The following MIA2 variants were observed in gnomAD, a reference collection of about 807,000 sequenced individuals.
MIA2 encodes melanoma inhibitory activity protein 2.
MIA2 carries 127 observed loss-of-function variants against 167.8 expected under a neutral mutation model. That is an observed-to-expected ratio of 0.76 (90% CI 0.66 to 0.88). MIA2 has a LOEUF of 0.88. Ranked by LOEUF, MIA2 falls within the 40% of genes least tolerant of loss-of-function variation. The pLI, the probability that MIA2 is intolerant of heterozygous loss-of-function variation, is 0.00. For synonymous variants in MIA2, 552 were observed against 541.9 expected (o/e 1.02, Z -0.26); for missense variants, 1,690 against 1,624.7 (o/e 1.04, Z -0.69).
At chr14:39,299,083 AAAAAAAAAAAAAAAG>A (rs1443378470) in intron 13 of MIA2, among the ~76,000 whole-genome samples, 1 of 149,306 alleles carries the variant, frequency 6.7e-6, no homozygotes, top group Non-Finnish European at 1.5e-5. Context: ...AAAAAAAAAA[AAAAAAAAAAAAAAAG>A]AAATAATTCC....
chr14:39,254,311 C>A lies in MIA2; in HGVS notation c.1887+1140C>A, dbSNP rs77400143. Among the ~76,000 whole-genome samples, 660 of 152,226 alleles carry A rather than the reference C, an allele frequency of 4.3e-3. 2 individuals are homozygous for A. Among genetic ancestry groups the A allele is most frequent in the Non-Finnish European group, 6.6e-3 (450 of 68,006 alleles). On this transcript the variant is annotated intron_variant, in intron 6 of 28. Coordinates refer to ENST00000640607, the MANE Select transcript of MIA2 (RefSeq NM_001329214.4). ...GCAATTGAGTTTGATTGAACATAGG[C>A]TGAAGTTGAAGAAGTACAGAGGGGT...
intron 26 of MIA2, chr14:39,347,483 C>A: frequency 1.9e-6 from 1 of 514,892 alleles, no homozygotes; most frequent in Non-Finnish European, 3.4e-6. Flanking sequence ...AGCAGGATTG[C>A]TTAGGAACTA....
intron 13 of MIA2, among the ~76,000 whole-genome samples, chr14:39,298,518 T>C (rs1348909504): frequency 2.3e-5 from 2 of 86,172 alleles, no homozygotes; most frequent in South Asian, 4.4e-4. Context: ...AATTACTGTT[T>C]GGTAGAACAG....
At chr14:39,267,541 A>G (rs2056105696) in intron 6 of MIA2, 1 of 1,611,982 alleles carries the variant, frequency 6.2e-7, no homozygotes, top group African/African-American at 1.3e-5. Context: ...AGGCGCGATG[A>G]GTGTTACGTG....
intron 25 of MIA2, among the ~76,000 whole-genome samples, chr14:39,337,046 C>T (rs189841982): frequency 1.2e-4 from 18 of 152,280 alleles, no homozygotes; most frequent in African/African-American, 3.9e-4. Context: ...CACGAGCCAT[C>T]GTGCCTGGCT....
chr14:39,270,554 G>A (rs1158311104), intron 6 of MIA2, among the ~76,000 whole-genome samples: 1 of 150,230 alleles, frequency 6.7e-6, no homozygotes, highest in Non-Finnish European at 1.5e-5. Flanking sequence ...TAAGAGATGG[G>A]GTCTTGCTTT....
At chr14:39,319,935 CTATA>C (rs1436871148) in intron 23 of MIA2, among the ~76,000 whole-genome samples, 6 of 140,176 alleles carry the variant, frequency 4.3e-5, no homozygotes, top group African/African-American at 1.1e-4. Context: ...ACTGAAAAAT[CTATA>C]TATAGGTAGA....
chr14:39,325,993 C>T (rs1281067777), intron 24 of MIA2, among the ~76,000 whole-genome samples: 4 of 152,212 alleles, frequency 2.6e-5, no homozygotes, highest in African/African-American at 4.8e-5. Context: ...GGATTACAGG[C>T]ATGGGCCACT....
intron 9 of MIA2, among the ~76,000 whole-genome samples, chr14:39,283,642 C>T (rs1955610910): frequency 6.6e-6 from 1 of 152,098 alleles, no homozygotes; most frequent in South Asian, 2.1e-4. Flanking sequence ...GTTCCCTTTT[C>T]TCCACACCTT....
chr14:39,259,062 A>C (rs1241618833), intron 6 of MIA2, among the ~76,000 whole-genome samples: 1 of 152,186 alleles, frequency 6.6e-6, no homozygotes, highest in Non-Finnish European at 1.5e-5. Flanking sequence ...GGGGGTCAGG[A>C]ACTTACTTGA....
chr14:39,285,433 C>T (rs1473242904), intron 9 of MIA2, among the ~76,000 whole-genome samples: 2 of 144,386 alleles, frequency 1.4e-5, no homozygotes, highest in East Asian at 2.2e-4. Flanking sequence ...GGCTGACCCC[C>T]CCACCTTCCT....
At position 39,293,121 on chromosome 14, in the gene MIA2, T is replaced by A. The variant is rs1467648371; in HGVS notation, c.2209-150T>A. 4 of 637,176 alleles carry A rather than the reference T, an allele frequency of 6.3e-6. No homozygotes were observed. The East Asian group carries it at 1.2e-4, about 19-fold the overall frequency. 39.5% of individuals were successfully genotyped at this position (637,176 alleles called of 1,614,324 possible). A position where few individuals can be genotyped will look rare whatever the true frequency, so the allele number is the denominator to read the frequency against. Reference sequence around the variant, plus strand: ...TTTACAGAACTTTGCTGACCACTGCTACAATTGCTGTTATTTTGATATTAT... The same window carrying A: ...TTTACAGAACTTTGCTGACCACTGCAACAATTGCTGTTATTTTGATATTAT... On this transcript the variant is annotated intron_variant, in intron 10 of 28. Coordinates refer to ENST00000640607, the MANE Select transcript of MIA2 (RefSeq NM_001329214.4).
intron 6 of MIA2, among the ~76,000 whole-genome samples, chr14:39,261,244 G>GT (rs1473837217): frequency 6.6e-6 from 1 of 151,924 alleles, no homozygotes; most frequent in Admixed American, 6.6e-5. Flanking sequence ...GCGGTGTTTG[G>GT]TTTTTTGTTC....
chr14:39,245,775 C>A (rs919058722), intron 3 of MIA2, among the ~76,000 whole-genome samples: 29 of 152,090 alleles, frequency 1.9e-4, no homozygotes, highest in Admixed American at 4.6e-4. Context: ...ATAACAAGCC[C>A]GCTCATGTAG....
intron 13 of MIA2, among the ~76,000 whole-genome samples, chr14:39,299,604 A>G (rs988809535): frequency 6.6e-6 from 1 of 152,190 alleles, no homozygotes; most frequent in African/African-American, 2.4e-5. Flanking sequence ...GTAAGGTATG[A>G]TATTTTATAT....
In MIA2 at chr14:39,345,989, A is replaced by T; in HGVS notation, c.3741A>T (p.Glu1247Asp). The part of the protein sequence containing the change: ...SNSGRLSGPA[E>D]LRSFNMPSLD... ...CTGGTAGACTGTCTGGACCAGCAGA[A>T]CTCAGAAGTTTTAATATGCCTTCTT... The change falls in exon 26 of 29, where the codon GAA becomes GAT. Residue 1247 changes from glutamate (E) to aspartate (D), a missense_variant. Transcript: ENST00000640607. The T allele has an allele frequency of 6.2e-7, 1 of 1,612,416 alleles. No homozygotes were observed. Among genetic ancestry groups the T allele is most frequent in the African/African-American group, 1.3e-5 (1 of 75,022 alleles).
intron 15 of MIA2, 62 bp downstream of exon 15, chr14:39,302,311 C>A: frequency 6.3e-7 from 1 of 1,576,460 alleles, no homozygotes; most frequent in Admixed American, 1.7e-5. Context: ...ATTTCCTTTT[C>A]GTTCCCTGTG....
At chr14:39,267,479 C>T in intron 6 of MIA2, 1 of 1,613,244 alleles carries the variant, frequency 6.2e-7, no homozygotes, top group Middle Eastern at 1.8e-4. Context: ...CCCGGGGTTA[C>T]CCCTCAACCG....
chr14:39,360,169 G>A (rs887573489), intron 23 of MIA2, among the ~76,000 whole-genome samples: 1 of 152,146 alleles, frequency 6.6e-6, no homozygotes, highest in East Asian at 1.9e-4. Flanking sequence ...GGGCATGGTG[G>A]CGTGTACCTT....
Sources: allele counts gnomAD v4.1 joint callset (sites outside exome capture counted in the v4.1 genomes callset), GRCh38; gene constraint gnomAD v4.1.1; transcripts MANE v1.5; gene names NCBI Gene and HGNC (gene_info 2026-07-23, HGNC 2026-07-21).